Variants in ROBO2 observed in about 807,000 individuals in gnomAD.
ROBO2 encodes the protein roundabout homolog 2.
Under a neutral mutation model 160.8 loss-of-function variants are expected in ROBO2, and 53 were observed. That is an observed-to-expected ratio of 0.33 (90% confidence interval 0.26 to 0.41). ROBO2 has a LOEUF of 0.41. Ranked by LOEUF, ROBO2 falls within the 10% of genes least tolerant of loss-of-function variation. The pLI, the probability that ROBO2 is intolerant of heterozygous loss-of-function variation, is 1.00. For missense variants in ROBO2, 1,577 were observed against 1,722.4 expected (o/e 0.92, Z 1.49); for synonymous variants, 664 against 611.7 (o/e 1.09, Z -1.26).
intron 2 of ROBO2, among the ~76,000 whole-genome samples, chr3:77,115,538 C>A (rs1285614583): frequency 6.6e-6 from 1 of 151,982 alleles, no homozygotes; most frequent in Non-Finnish European, 1.5e-5. Context: ...GAATATTAGC[C>A]CTTTCTCTAC....
chr3:77,013,546 G>A (rs561653283), intron 2 of ROBO2, among the ~76,000 whole-genome samples: 14 of 152,162 alleles, frequency 9.2e-5, no homozygotes, highest in Admixed American at 2.0e-4. Context: ...GGCTCTGACC[G>A]TCATTAAAGG....
At chr3:77,634,824 C>G in intron 23 of ROBO2, 46 bp from the exon 25 acceptor site, 2 of 1,563,652 alleles carry the variant, frequency 1.3e-6, no homozygotes, top group Non-Finnish European at 1.8e-6. Context: ...AATCAGTGTG[C>G]TATAATGTCA....
At chr3:77,382,759 T>C (rs925722513) in intron 2 of ROBO2, among the ~76,000 whole-genome samples, 7 of 152,234 alleles carry the variant, frequency 4.6e-5, no homozygotes, top group African/African-American at 1.7e-4. Context: ...TTGTTCTTTC[T>C]TATGGCTGAG....
intron 2 of ROBO2, among the ~76,000 whole-genome samples, chr3:76,437,543 A>G (rs545561177): frequency 1.4e-4 from 21 of 152,316 alleles, no homozygotes; most frequent in African/African-American, 5.1e-4. Flanking sequence ...TTTAAACCGT[A>G]TTGAAAAATA....
At chr3:76,373,021 G>A (rs1696649583) in intron 2 of ROBO2, among the ~76,000 whole-genome samples, 1 of 151,948 alleles carries the variant, frequency 6.6e-6, no homozygotes, top group Non-Finnish European at 1.5e-5. Context: ...GTGAGCATCA[G>A]CATGAGTTCA....
Position 75,919,316 on chromosome 3 carries a change from T to G in ROBO2, c.-14+12356T>G, listed in dbSNP as rs1190003181. On this transcript the variant is annotated intron_variant, in intron 1 of 26. Transcript: ENST00000487694. ...TAATCATGCAGTTTTTGTCATTGGT[T>G]CTGTTTATGTGATGGATTACATTTA... 2.6e-5 allele frequency among the ~76,000 whole-genome samples: 4 copies of G among 152,316 alleles called. No homozygotes were observed. The East Asian group carries it at 7.7e-4, about 29-fold the overall frequency.
At chr3:76,970,369 C>G (rs892814731) in intron 2 of ROBO2, among the ~76,000 whole-genome samples, 1 of 152,098 alleles carries the variant, frequency 6.6e-6, no homozygotes, top group African/African-American at 2.4e-5. Context: ...AAGAAAATTA[C>G]CAGGAGATAA....
chr3:76,561,579 G>A (rs575495740), intron 2 of ROBO2, among the ~76,000 whole-genome samples: 2 of 152,206 alleles, frequency 1.3e-5, no homozygotes, highest in African/African-American at 4.8e-5. Context: ...TGATTAGTTG[G>A]CATCAAAAGG....
At chr3:76,235,060 T>G (rs573788126) in intron 2 of ROBO2, among the ~76,000 whole-genome samples, 1 of 152,270 alleles carries the variant, frequency 6.6e-6, no homozygotes, top group Admixed American at 6.5e-5. Context: ...ACGTGAATTT[T>G]GGGCCCAAAG....
intron 2 of ROBO2, among the ~76,000 whole-genome samples, chr3:76,002,492 T>C (rs1273196876): frequency 2.0e-5 from 3 of 152,132 alleles, no homozygotes; most frequent in Non-Finnish European, 4.4e-5. Context: ...TTCCCCATAC[T>C]GTTCTTGTAG....
chr3:77,381,258 T>TG (rs961489935), intron 2 of ROBO2, among the ~76,000 whole-genome samples: 92 of 152,214 alleles, frequency 6.0e-4, no homozygotes, highest in African/African-American at 2.2e-3. Context: ...GAGGTTGCAA[T>TG]GAGCCGAGAT....
chr3:77,371,973 A>G (rs771726946), intron 2 of ROBO2, among the ~76,000 whole-genome samples: 1 of 152,216 alleles, frequency 6.6e-6, no homozygotes, highest in African/African-American at 2.4e-5. Context: ...GTCAGTTTCC[A>G]TTCCAGGATT....
At chr3:76,353,905 G>A (rs574136958) in intron 2 of ROBO2, among the ~76,000 whole-genome samples, 5 of 151,880 alleles carry the variant, frequency 3.3e-5, no homozygotes, top group South Asian at 2.1e-4. Context: ...CTTGCTTCAC[G>A]TTTTTAGGGG....
chr3:76,356,487 A>AAAAGTATAAG (rs1190741794), intron 2 of ROBO2, among the ~76,000 whole-genome samples: 3 of 151,604 alleles, frequency 2.0e-5, no homozygotes, highest in African/African-American at 4.8e-5. Flanking sequence ...TATATCATAC[A>AAAAGTATAAG]AAAGTATAAG....
chr3:76,110,971 T>C (rs1349073661), intron 2 of ROBO2, among the ~76,000 whole-genome samples: 1 of 152,132 alleles, frequency 6.6e-6, no homozygotes, highest in Non-Finnish European at 1.5e-5. Flanking sequence ...AAGGAGACTG[T>C]TGATTTTTTC....
intron 2 of ROBO2, among the ~76,000 whole-genome samples, chr3:76,243,106 A>G (rs1705398210): frequency 6.6e-6 from 1 of 152,106 alleles, no homozygotes; most frequent in African/African-American, 2.4e-5. Context: ...TCATTCCTTT[A>G]CTTTCCCATT....
intron 2 of ROBO2, among the ~76,000 whole-genome samples, chr3:76,708,673 C>A (rs2093222916): frequency 6.6e-6 from 1 of 152,122 alleles, no homozygotes; most frequent in African/African-American, 2.4e-5. Flanking sequence ...GGACTTCATT[C>A]TATGGGTAGA....
chr3:77,058,793 C>T (rs1456936643), intron 1 of ROBO2, among the ~76,000 whole-genome samples: 2 of 152,038 alleles, frequency 1.3e-5, no homozygotes, highest in African/African-American at 4.8e-5. Context: ...CCACGTCGAC[C>T]TCCCAAAGTA....
At chr3:76,765,365 C>A (rs1175586331) in intron 2 of ROBO2, among the ~76,000 whole-genome samples, 1 of 151,570 alleles carries the variant, frequency 6.6e-6, no homozygotes, top group Non-Finnish European at 1.5e-5. Context: ...TAGTGGGGTA[C>A]CCCAGACTGA....
Sources: allele counts gnomAD v4.1 joint callset (sites outside exome capture counted in the v4.1 genomes callset), GRCh38; gene constraint gnomAD v4.1.1; transcripts MANE v1.5; gene names NCBI Gene and HGNC (gene_info 2026-07-23, HGNC 2026-07-21).